CCSER1: variants seen among roughly 807,000 people sequenced by gnomAD.
CCSER1 encodes coiled-coil serine rich protein 1.
In CCSER1, 41 loss-of-function variants were observed where a neutral mutation model predicts 82.0. The observed-to-expected ratio is 0.50, with a 90% CI of 0.39 to 0.65. CCSER1 has a LOEUF of 0.65. CCSER1 is among the 30% of genes least tolerant of loss of function. The pLI is 0.00. For missense variants in CCSER1, 1,119 were observed against 1,064.2 expected, an observed-to-expected ratio of 1.05 and a Z score of -0.72; for synonymous variants, 414 against 383.9, an observed-to-expected ratio of 1.08 and a Z score of -0.92.
chr4:91,480,476 C>T (rs1757851803), intron 10 of CCSER1, among the ~76,000 whole-genome samples: 1 of 152,198 alleles, frequency 6.6e-6, no homozygotes, highest in Non-Finnish European at 1.5e-5. Flanking sequence ...TTTTGATTTG[C>T]ATTTGTCTGA....
At position 90,900,409 on chromosome 4, in the gene CCSER1, A is replaced by G. The variant is rs145587585; in HGVS notation, c.2095-22961A>G. 7.9e-3 allele frequency among the ~76,000 whole-genome samples: 1,195 copies of G among 152,004 alleles called. 10 individuals are homozygous for G. The highest frequency in any genetic ancestry group is 0.027 in the African/African-American group (1,142 of 41,530). ...ATTTTGTTTATCCTTTTAAAGAATC[A>G]ACATTTTATTTCGTTTGAAATTTAG... On this transcript the variant is annotated intron_variant, in intron 8 of 10. Transcript: ENST00000509176.
chr4:90,175,571 C>T (rs904026753), intron 1 of CCSER1, among the ~76,000 whole-genome samples: 4 of 152,068 alleles, frequency 2.6e-5, no homozygotes, highest in Non-Finnish European at 5.9e-5. Flanking sequence ...TTTATTGGCA[C>T]ATTTTGAATT....
intron 8 of CCSER1, among the ~76,000 whole-genome samples, chr4:90,918,059 T>C (rs952249321): frequency 2.6e-5 from 4 of 152,096 alleles, no homozygotes; most frequent in African/African-American, 9.7e-5. Flanking sequence ...AAACTTTCTT[T>C]TGCAAATTTT....
rs182321647 is a variant in CCSER1 at position 90,638,849 on chromosome 4, T to C, written c.1932+10617T>C. On this transcript the variant is annotated intron_variant, in intron 6 of 10. Coordinates refer to ENST00000509176, the MANE Select transcript of CCSER1 (RefSeq NM_001145065.2). ...CAAAATTCCACTGGAGGAAGTATAT[T>C]GCAGTGGTAAAGATTACAGTTGTTT... 3.2e-3 allele frequency among the ~76,000 whole-genome samples: 484 copies of C among 152,246 alleles called. 12 individuals carry two copies. Among genetic ancestry groups the C allele is most frequent in the Non-Finnish European group, 1.2e-3 (80 of 67,984 alleles).
chr4:90,504,893 A>G (rs192723553), intron 5 of CCSER1, among the ~76,000 whole-genome samples: 33 of 152,266 alleles, frequency 2.2e-4, no homozygotes, highest in Admixed American at 2.1e-3. Context: ...CAAAAAACCC[A>G]GAGTATCCAA....
intron 7 of CCSER1, among the ~76,000 whole-genome samples, chr4:90,752,523 A>G (rs1748828406): frequency 1.3e-5 from 2 of 152,066 alleles, no homozygotes; most frequent in Non-Finnish European, 2.9e-5. Flanking sequence ...TTTTATTATT[A>G]CAAATTTTGG....
chr4:90,931,692 G>A (rs1729841926), intron 9 of CCSER1, among the ~76,000 whole-genome samples: 1 of 152,098 alleles, frequency 6.6e-6, no homozygotes, highest in African/African-American at 2.4e-5. Context: ...TTTCTCATGA[G>A]ATCTGCTATT....
chr4:91,333,922 T>G (rs1747132076), intron 10 of CCSER1, among the ~76,000 whole-genome samples: 1 of 152,020 alleles, frequency 6.6e-6, no homozygotes, highest in South Asian at 2.1e-4. Flanking sequence ...ATTAACAGTC[T>G]CTCAGTTTTT....
At chr4:91,542,881 G>C (rs1001884306) in intron 10 of CCSER1, among the ~76,000 whole-genome samples, 2 of 152,062 alleles carry the variant, frequency 1.3e-5, no homozygotes, top group Admixed American at 6.6e-5. Context: ...TCTTTGATCT[G>C]TCTAATGTTG....
intron 10 of CCSER1, among the ~76,000 whole-genome samples, chr4:91,461,494 G>C (rs945075183): frequency 6.6e-6 from 1 of 152,096 alleles, no homozygotes; most frequent in South Asian, 2.1e-4. Context: ...AAAAAGTATA[G>C]TTGTGGGACA....
At chr4:91,442,711 G>A (rs1277857452) in intron 10 of CCSER1, among the ~76,000 whole-genome samples, 15 of 132,218 alleles carry the variant, frequency 1.1e-4, no homozygotes, top group East Asian at 9.2e-4. Context: ...GAAAATTTTC[G>A]CAACCTACCC....
chr4:90,918,405 C>T, intron 8 of CCSER1: 1 of 377,600 alleles, frequency 2.6e-6, no homozygotes, highest in Non-Finnish European at 5.2e-6. Flanking sequence ...GCTCGTTTTA[C>T]AGCACTGAAA....
At chr4:91,539,911 G>A (rs996219789) in intron 10 of CCSER1, among the ~76,000 whole-genome samples, 10 of 152,082 alleles carry the variant, frequency 6.6e-5, no homozygotes, top group Non-Finnish European at 1.2e-4. Flanking sequence ...ACAGATTGAC[G>A]ATGTGCAAAA....
At chr4:90,142,875 T>C (rs2153339484) in intron 1 of CCSER1, among the ~76,000 whole-genome samples, 1 of 152,326 alleles carries the variant, frequency 6.6e-6, no homozygotes, top group African/African-American at 2.4e-5. Flanking sequence ...TTTTAAATGT[T>C]TCTGCTACAG....
At chr4:90,996,693 A>G (rs13148877) in intron 9 of CCSER1, among the ~76,000 whole-genome samples, 2 of 152,082 alleles carry the variant, frequency 1.3e-5, no homozygotes, top group East Asian at 3.9e-4. Flanking sequence ...AACCTAGAAA[A>G]CATTATTTTG....
intron 1 of CCSER1, among the ~76,000 whole-genome samples, chr4:90,230,813 A>G (rs1007958213): frequency 6.6e-6 from 1 of 152,042 alleles, no homozygotes; most frequent in African/African-American, 2.4e-5. Context: ...CCACAGAAAT[A>G]CAAACTACCA....
chr4:91,086,084 C>T lies in CCSER1; in HGVS notation c.2217+90C>T, dbSNP rs930051311. On this transcript the variant is annotated intron_variant, in intron 10 of 10. Transcript: ENST00000509176. ...TGGTGATGGTGATTGACGATAATTA[C>T]GTTGATAATGGAAATGGAGATGCAT... is the stretch of plus-strand genomic sequence containing the variant. 14 of 778,882 alleles carry T rather than the reference C, an allele frequency of 1.8e-5. 1 individual carries two copies. The highest frequency in any genetic ancestry group is 8.8e-5 in the African/African-American group (5 of 57,020). 48.2% of individuals were successfully genotyped at this position (778,882 alleles called of 1,614,324 possible).
intron 5 of CCSER1, among the ~76,000 whole-genome samples, chr4:90,562,971 C>T (rs2153648767): frequency 6.6e-6 from 1 of 151,520 alleles, no homozygotes; most frequent in African/African-American, 2.4e-5. Flanking sequence ...TTGTATTTAG[C>T]TTAGTATTAT....
At chr4:91,389,100 T>C (rs571449282) in intron 10 of CCSER1, among the ~76,000 whole-genome samples, 75 of 152,106 alleles carry the variant, frequency 4.9e-4, no homozygotes, top group Non-Finnish European at 8.1e-4. Context: ...TGAAGTCTGA[T>C]GTATGAATTG....
Sources: gnomAD v4.1 joint callset for allele counts (sites outside exome capture counted in the v4.1 genomes callset) on GRCh38, gnomAD v4.1.1 for gene constraint, MANE v1.5 for transcripts, NCBI Gene and HGNC (gene_info 2026-07-23, HGNC 2026-07-21) for gene names.